The following CREB3L3 variants were observed in gnomAD, a reference collection of about 807,000 sequenced individuals.
The protein encoded by CREB3L3 is cAMP responsive element binding protein 3 like 3.
A neutral mutation model predicts 44.6 loss-of-function variants in CREB3L3; 40 were observed. The observed-to-expected ratio is 0.90, with a 90% CI of 0.70 to 1.17. The LOEUF is 1.17. Ranked by LOEUF, CREB3L3 falls within the 50% of genes most tolerant of loss-of-function variation. The probability of loss-of-function intolerance (pLI) is 0.00; values close to 1 mark genes in which losing one functional copy is unlikely to be tolerated. For synonymous variants in CREB3L3, 273 were observed against 256.3 expected (o/e 1.06, Z -0.62); for missense variants, 578 against 595.8 (o/e 0.97, Z 0.31).
At chr19:4,162,800 G>A (rs952965455) in intron 4 of CREB3L3, among the ~76,000 whole-genome samples, 1 of 152,028 alleles carries the variant, frequency 6.6e-6, no homozygotes, top group Admixed American at 6.6e-5. Context: ...GCAACAGAGT[G>A]AAACCCCATC....
intron 4 of CREB3L3, among the ~76,000 whole-genome samples, chr19:4,163,458 G>T (rs544935818): frequency 6.6e-5 from 10 of 152,132 alleles, no homozygotes; most frequent in Non-Finnish European, 1.0e-4. Flanking sequence ...AGAATGACCC[G>T]GTCAAAGGAC....
Position 4,153,755 on chromosome 19 carries a change from C to T in CREB3L3, c.8C>T (p.Thr3Met), listed in dbSNP as rs775663071. 45 of 1,613,922 alleles carry T rather than the reference C, an allele frequency of 2.8e-5. No individual in the cohort carries two copies. Among genetic ancestry groups the T allele is most frequent in the East Asian group, 2.5e-4 (11 of 44,882 alleles). Reference sequence around the variant, plus strand: ...ACAGAACTGGATGGACCCATGAATACGGATTTAGCTGCTGGAAAGGTGAGC... The same window carrying T: ...ACAGAACTGGATGGACCCATGAATATGGATTTAGCTGCTGGAAAGGTGAGC... MN[T>M]DLAAGKMASA... Residue 3 changes from threonine to methionine, a missense_variant, in exon 1 of 10, where the codon ACG becomes ATG. By Grantham distance (81) the Thr-to-Met change is moderately conservative. Transcript: ENST00000078445.
In CREB3L3 at chr19:4,168,377, C is replaced by A; in HGVS notation, c.741C>A (p.Ile247=). 6.2e-7 allele frequency: 1 copy of A among 1,611,034 alleles called. No homozygotes were observed. The change falls in exon 6 of 10, where the codon ATC becomes ATA. Residue 247 remains isoleucine (I), a synonymous_variant. Coordinates refer to ENST00000078445, the MANE Select transcript of CREB3L3 (RefSeq NM_032607.3). ...TKYEERVLKK[I]RRKIRNKQSA... ...ACGAGGAGCGAGTGCTGAAAAAAAT[C>A]CGCCGGAAAATCCGGAACAAGCAGT...
Position 4,172,059 on chromosome 19 carries a change from T to C in CREB3L3, c.*90T>C. 2.3e-6 allele frequency: 3 copies of C among 1,320,602 alleles called. No individual in the cohort carries two copies. Among genetic ancestry groups the C allele is most frequent in the Non-Finnish European group, 3.1e-6 (3 of 978,566 alleles). 81.8% of individuals were successfully genotyped at this position (1,320,602 alleles called of 1,614,324 possible). A position where few individuals can be genotyped will look rare whatever the true frequency, so the allele number is the denominator to read the frequency against. On this transcript the variant is annotated 3_prime_UTR_variant, in exon 10 of 10. Coordinates refer to ENST00000078445, the MANE Select transcript of CREB3L3 (RefSeq NM_032607.3). ...CAGCTACCCACCTGGGGATGGGACG[T>C]GAGGCCAAGACCCCAGCAGAGATGC...
intron 4 of CREB3L3, 61 bp from the exon 5 acceptor site, chr19:4,164,442 C>T: frequency 8.7e-6 from 14 of 1,608,004 alleles, no homozygotes; most frequent in Non-Finnish European, 1.2e-5. Flanking sequence ...ATACCTCTTT[C>T]ATTTCCTGAA....
chr19:4,164,417 A>G lies in CREB3L3; in HGVS notation c.577-86A>G. 3.9e-6 allele frequency: 6 copies of G among 1,533,780 alleles called. No individual in the cohort carries two copies. The South Asian group carries it at 4.5e-5, about 11-fold the overall frequency. On this transcript the variant is annotated intron_variant, in intron 4 of 9. Transcript: ENST00000078445. ...GCCACCACACCCAGCCTGGGGTGAT[A>G]GTGTTTTCGATCTGATACCTCTTTC...
chr19:4,165,690 G>A (rs561953870), intron 5 of CREB3L3, among the ~76,000 whole-genome samples: 2 of 151,792 alleles, frequency 1.3e-5, no homozygotes, highest in African/African-American at 2.4e-5. Flanking sequence ...GTGAAACCCC[G>A]TCTCTACTAA....
In CREB3L3 at chr19:4,172,253, G is replaced by T. The variant is rs773176967; in HGVS notation, c.*284G>T. 1.2e-4 allele frequency: 67 copies of T among 556,690 alleles called. No individual in the cohort carries two copies. Among genetic ancestry groups the T allele is most frequent in the Non-Finnish European group, 1.8e-4 (55 of 312,162 alleles). The allele number at this position is 556,690 out of a possible 1,614,324, so 34.5% of individuals were successfully genotyped here. A position where few individuals can be genotyped will look rare whatever the true frequency, so the allele number is the denominator to read the frequency against. On this transcript the variant is annotated 3_prime_UTR_variant, in exon 10 of 10. Coordinates refer to ENST00000078445, the MANE Select transcript of CREB3L3 (RefSeq NM_032607.3). ...CACACATACAGCCTGAAACAGACCT[G>T]GACAGACAGACACAGCCTGAAACAG...
intron 4 of CREB3L3, among the ~76,000 whole-genome samples, chr19:4,162,233 T>G (rs927724585): frequency 1.3e-5 from 2 of 152,010 alleles, no homozygotes; most frequent in Non-Finnish European, 2.9e-5. Context: ...CTCGATCTCC[T>G]GACATCAGGT....
Position 4,153,741 on chromosome 19 carries a change from T to G in CREB3L3, c.-7T>G, listed in dbSNP as rs746614037. Reference sequence around the variant, plus strand: ...CGAGGCATCTGCAGACAGAACTGGATGGACCCATGAATACGGATTTAGCTG... The same window carrying G: ...CGAGGCATCTGCAGACAGAACTGGAGGGACCCATGAATACGGATTTAGCTG... On this transcript the variant is annotated 5_prime_UTR_variant, in exon 1 of 10. The change abolishes an upstream ATG in the 5' untranslated region. Transcript: ENST00000078445. The G allele has an allele frequency of 5.0e-6, 8 of 1,614,068 alleles. No homozygotes were observed. Among genetic ancestry groups the G allele is most frequent in the Non-Finnish European group, 6.8e-6 (8 of 1,180,014 alleles).
intron 5 of CREB3L3, among the ~76,000 whole-genome samples, chr19:4,167,067 G>T (rs531367225): frequency 2.0e-5 from 3 of 152,256 alleles, no homozygotes; most frequent in Admixed American, 6.5e-5. Flanking sequence ...TATTGGCCGG[G>T]TGTGGTGTCT....
chr19:4,164,669 A>C, intron 5 of CREB3L3, 29 bp downstream of exon 5: 1 of 1,613,316 alleles, frequency 6.2e-7, no homozygotes, highest in Non-Finnish European at 8.5e-7. Flanking sequence ...CCAGCCCTGG[A>C]TCCATCTCCC....
rs116983817 is a variant in CREB3L3, at chr19:4,172,218, A to G, written c.*249A>G. On this transcript the variant is annotated 3_prime_UTR_variant, in exon 10 of 10. Coordinates refer to ENST00000078445, the MANE Select transcript of CREB3L3 (RefSeq NM_032607.3). ...TACACACAGAGCCAGGAGCAGAAGC[A>G]AAGAGCAGACACACATACAGCCTGA... 6.5e-4 allele frequency: 387 copies of G among 594,766 alleles called. 3 individuals carry two copies. In the East Asian group the frequency reaches 0.011, roughly 16 times the overall value. 36.8% of individuals were successfully genotyped at this position (594,766 alleles called of 1,614,324 possible).
intron 6 of CREB3L3, among the ~76,000 whole-genome samples, chr19:4,169,685 G>C (rs1967000802): frequency 6.8e-6 from 1 of 146,492 alleles, no homozygotes; most frequent in Non-Finnish European, 1.5e-5. Flanking sequence ...TCCACTTCCC[G>C]GGTTCAATCG....
At chr19:4,158,279 C>A (rs1278495736) in intron 3 of CREB3L3, among the ~76,000 whole-genome samples, 1 of 151,914 alleles carries the variant, frequency 6.6e-6, no homozygotes, top group Non-Finnish European at 1.5e-5. Context: ...AGGCGGATCA[C>A]TTGAGGTTAG....
intron 1 of CREB3L3, 41 bp downstream of exon 1, chr19:4,153,815 C>G (rs756936842): frequency 1.2e-6 from 2 of 1,611,424 alleles, no homozygotes; most frequent in Non-Finnish European, 1.7e-6. Flanking sequence ...GGAGTCTAGG[C>G]TGGGAAAGCC....
In CREB3L3 at chr19:4,157,184, G is replaced by T. The variant is rs1212851328; in HGVS notation, c.346G>T (p.Ala116Ser). The change falls in exon 3 of 10, where the codon GCC becomes TCC. Residue 116 changes from alanine (A) to serine (S), a missense_variant. By Grantham distance (99) the Ala-to-Ser change is moderately conservative. Transcript: ENST00000078445. ...PATSPAGCHP[A>S]QPGKGPCLSY... is the part of the protein sequence containing the mutation. ...CACCTCCCCCGCCGGCTGCCATCCTGCCCAGCCTGGCAAGGGGCCCTGCCT... is the reference window on the plus strand; with the variant it reads ...CACCTCCCCCGCCGGCTGCCATCCTTCCCAGCCTGGCAAGGGGCCCTGCCT... The T allele has an allele frequency of 6.2e-7, 1 of 1,613,882 alleles. No individual in the cohort carries two copies. Among genetic ancestry groups the T allele is most frequent in the Non-Finnish European group, 8.5e-7 (1 of 1,179,966 alleles).
At chr19:4,163,351 A>AGAAAGAAAGAAGGAAGGAAGGAAG (rs535753131) in intron 4 of CREB3L3, among the ~76,000 whole-genome samples, 1 of 117,198 alleles carries the variant, frequency 8.5e-6, no homozygotes, top group African/African-American at 3.3e-5. Context: ...AAAGAAAGAA[A>AGAAAGAAAGAAGGAAGGAAGGAAG]GAAGGAAGGA....
At chr19:4,156,963 T>C (rs2041589150) in intron 2 of CREB3L3, 32 bp from the exon 3 acceptor site, 1 of 1,612,348 alleles carries the variant, frequency 6.2e-7, no homozygotes, top group Non-Finnish European at 8.5e-7. Flanking sequence ...GAGCACTTCC[T>C]AATTCCTACT....
Sources: allele counts gnomAD v4.1 joint callset (sites outside exome capture counted in the v4.1 genomes callset), GRCh38; gene constraint gnomAD v4.1.1; transcripts MANE v1.5; gene names NCBI Gene and HGNC (gene_info 2026-07-23, HGNC 2026-07-21).